Variants in TAF6 observed in about 807,000 individuals in gnomAD.
The protein encoded by TAF6 is TATA-box binding protein associated factor 6.
TAF6 carries 50 observed loss-of-function variants against 73.5 expected under a neutral mutation model. The ratio of observed to expected loss-of-function variants is 0.68; its 90% CI spans 0.54 to 0.86. The LOEUF (loss-of-function observed/expected upper bound fraction) is 0.86, where lower values mean the gene tolerates loss of function less well. Ranked by LOEUF, TAF6 falls within the 40% of genes least tolerant of loss-of-function variation. The pLI, the probability that TAF6 is intolerant of heterozygous loss-of-function variation, is 0.00. For missense variants in TAF6, 768 were observed against 899.5 expected, an observed-to-expected ratio of 0.85 and a Z score of 1.87; for synonymous variants, 424 against 376.7, an observed-to-expected ratio of 1.13 and a Z score of -1.45.
At chr7:100,107,658 T>G in intron 14 of TAF6, 35 bp from the exon 15 acceptor site, 1 of 1,597,566 alleles carries the variant, frequency 6.3e-7, no homozygotes, top group East Asian at 2.2e-5. Context: ...GCTTGCCCTG[T>G]GCCCTCCCTG....
At chr7:100,117,681 T>G (rs1263717856) in intron 1 of TAF6, among the ~76,000 whole-genome samples, 1 of 152,158 alleles carries the variant, frequency 6.6e-6, no homozygotes, top group African/African-American at 2.4e-5. Context: ...ATATTGGTGC[T>G]CAGTAAATAC....
At chr7:100,123,372 AAAG>A (rs1266341532), upstream of TAF6, among the ~76,000 whole-genome samples, 2 of 151,686 alleles carry the variant, frequency 1.3e-5, no homozygotes, top group Non-Finnish European at 2.9e-5. Flanking sequence ...AAACAAAAAA[AAAG>A]AAATCATAAT....
chr7:100,121,846 C>G (rs541325402), upstream of TAF6, among the ~76,000 whole-genome samples: 3 of 151,176 alleles, frequency 2.0e-5, no homozygotes, highest in African/African-American at 4.9e-5. Context: ...GTCAGCTGAT[C>G]GAGACCATCC....
chr7:100,111,758 C>T lies in TAF6; in HGVS notation c.870G>A (p.Met290Ile). The T allele has an allele frequency of 6.2e-7, 1 of 1,614,198 alleles. No homozygotes were observed. The highest frequency in any genetic ancestry group is 8.5e-7 in the Non-Finnish European group (1 of 1,180,034). ...IYLMRMVKAL[M>I]DNPTLYLEKY... ...TTTCTAGATAGAGCGTGGGGTTGTC[C>T]ATCAGCGCTTTCACCATACGCATCA... The change falls in exon 9 of 15, where the codon ATG becomes ATA. Residue 290 changes from methionine (M) to isoleucine (I), a missense_variant. Coordinates refer to ENST00000453269, the MANE Select transcript of TAF6 (RefSeq NM_139315.3).
In TAF6 at chr7:100,112,173, CCA is replaced by C; in HGVS notation, c.653_654del (p.Val218GlyfsTer85). On this transcript the variant is annotated frameshift_variant, in exon 7 of 15. Transcript: ENST00000453269. LOFTEE classifies it high-confidence loss of function. ...ATCTCCTTGTAGTAGAGCTGCTGCT[CCA>C]CAGACAACTCGTGGATGCTCCGGGG... is the stretch of plus-strand genomic sequence containing the variant. Reference protein sequence around the residue: ...LKPRSIHELSVEQQLYYKEIT... With the variant: ...LKPRSIHELSXEQQLYYKEIT... 6.2e-7 allele frequency: 1 copy of C among 1,614,170 alleles called. No individual in the cohort carries two copies. The highest frequency in any genetic ancestry group is 8.5e-7 in the Non-Finnish European group (1 of 1,180,030).
At chr7:100,114,341 A>T in intron 1 of TAF6, 73 bp from the exon 2 acceptor site, 1 of 1,453,392 alleles carries the variant, frequency 6.9e-7, no homozygotes, top group South Asian at 1.2e-5. Flanking sequence ...AAGGGAGGAC[A>T]GTGGAGACAG....
intron 3 of TAF6, 25 bp downstream of exon 3, chr7:100,113,843 C>G (rs775410942): frequency 2.6e-5 from 42 of 1,611,382 alleles, no homozygotes; most frequent in Admixed American, 5.0e-5. Context: ...GTCTCACCCC[C>G]CCCCCGCCTG....
chr7:100,119,822 G>A (rs1797973296), upstream of TAF6: 8 of 1,614,036 alleles, frequency 5.0e-6, no homozygotes, highest in African/African-American at 2.7e-5. Flanking sequence ...TGTTGAAGGA[G>A]GAGGACGATG....
chr7:100,108,200 C>G (rs1796764420), intron 13 of TAF6, 77 bp from the exon 14 acceptor site: 9 of 1,480,044 alleles, frequency 6.1e-6, no homozygotes, highest in Non-Finnish European at 8.1e-6. Context: ...CCTGGGCTCC[C>G]CTCGCTCTTC....
upstream of TAF6, among the ~76,000 whole-genome samples, chr7:100,123,084 G>C (rs754342176): frequency 6.6e-6 from 1 of 152,184 alleles, no homozygotes; most frequent in Non-Finnish European, 1.5e-5. Flanking sequence ...GCTCACACCT[G>C]TAATCCCAGC....
At chr7:100,113,313 G>A (rs1244464280) in intron 5 of TAF6, 36 bp downstream of exon 5, 1 of 1,536,248 alleles carries the variant, frequency 6.5e-7, no homozygotes, top group East Asian at 2.3e-5. Context: ...AGGGGAAAGG[G>A]ACCCAGAGAC....
intron 1 of TAF6, among the ~76,000 whole-genome samples, chr7:100,117,164 TGAACCCAG>T (rs1797735526): frequency 6.6e-6 from 1 of 151,782 alleles, no homozygotes; most frequent in Non-Finnish European, 1.5e-5. Flanking sequence ...GAGAATTGCT[TGAACCCAG>T]GAGGTGGAGG....
intron 12 of TAF6, chr7:100,108,848 A>G (rs1796863710): frequency 4.2e-6 from 1 of 236,096 alleles, no homozygotes; most frequent in Non-Finnish European, 8.2e-6. Context: ...AAATGGAGAA[A>G]CCTCATCTCC....
intron 1 of TAF6, among the ~76,000 whole-genome samples, chr7:100,117,987 A>G (rs928469129): frequency 6.7e-6 from 1 of 149,664 alleles, no homozygotes; most frequent in Admixed American, 6.8e-5. Flanking sequence ...CGGAGCTTGC[A>G]GTGAGCCGAG....
At chr7:100,118,880 T>C (rs1365706207) in intron 1 of TAF6, 2 of 985,146 alleles carry the variant, frequency 2.0e-6, no homozygotes, top group Non-Finnish European at 2.4e-6. Context: ...CGAGACATAC[T>C]CTGTGCCTGG....
rs779479560 is a variant in TAF6 at position 100,107,430 on chromosome 7, C to T, written c.1850G>A (p.Gly617Asp). The change falls in exon 15 of 15, where the codon GGC becomes GAC. Residue 617 changes from glycine to aspartate, a missense_variant. Physicochemically the swap from Gly to Asp is moderately conservative, Grantham distance 94. Transcript: ENST00000453269. The part of the protein sequence containing the change: ...IVVSLPPTGE[G>D]KGGPTSHPSP... ...AGGATGGGAGGTGGGGCCTCCTTTGCCCTCCCCTGTTGGGGGAAGTGAGAC... is the reference window on the plus strand; with the variant it reads ...AGGATGGGAGGTGGGGCCTCCTTTGTCCTCCCCTGTTGGGGGAAGTGAGAC... The T allele has an allele frequency of 6.2e-7, 1 of 1,610,808 alleles. No individual in the cohort carries two copies. Among genetic ancestry groups the T allele is most frequent in the Non-Finnish European group, 8.5e-7 (1 of 1,177,746 alleles).
chr7:100,123,761 C>G (rs1798144103), upstream of TAF6, among the ~76,000 whole-genome samples: 2 of 152,168 alleles, frequency 1.3e-5, no homozygotes, highest in Non-Finnish European at 2.9e-5. Context: ...CTCAGGTGAT[C>G]CACCCGCCTT....
chr7:100,126,023 A>G, the TAF6 span, among the ~76,000 whole-genome samples: 1 of 152,168 alleles, frequency 6.6e-6, no homozygotes, highest in Admixed American at 6.5e-5. Flanking sequence ...CGTCTCTACT[A>G]AAAATACAAA....
At chr7:100,112,987 G>A (rs964021052) in intron 5 of TAF6, 70 bp from the exon 6 acceptor site, 32 of 1,541,640 alleles carry the variant, frequency 2.1e-5, no homozygotes, top group Middle Eastern at 1.8e-4. Context: ...GGAGGAGGCC[G>A]GATGCGGTGG....
Sources: allele counts gnomAD v4.1 joint callset (sites outside exome capture counted in the v4.1 genomes callset), GRCh38; gene constraint gnomAD v4.1.1; transcripts MANE v1.5; gene names NCBI Gene and HGNC (gene_info 2026-07-23, HGNC 2026-07-21).